The following KIAA0319L variants were observed in gnomAD, a reference collection of about 807,000 sequenced individuals.
KIAA0319L encodes KIAA0319 like.
A neutral mutation model predicts 120.1 loss-of-function variants in KIAA0319L; 55 were observed. The ratio of observed to expected loss-of-function variants is 0.46; its 90% CI spans 0.37 to 0.57. The LOEUF is 0.57. Ranked by LOEUF, KIAA0319L falls within the 20% of genes least tolerant of loss-of-function variation. KIAA0319L has a pLI of 0.00. For synonymous variants in KIAA0319L, 398 were observed against 471.9 expected (o/e 0.84, Z 2.03); for missense variants, 1,049 against 1,255.3 (o/e 0.84, Z 2.48).
Position 35,554,374 on chromosome 1 carries a change from A to G in KIAA0319L, c.118T>C (p.Phe40Leu). The G allele has an allele frequency of 4.4e-6, 7 of 1,605,708 alleles. No homozygotes were observed. The highest frequency in any genetic ancestry group is 5.9e-6 in the Non-Finnish European group (7 of 1,177,440). Residue 40 changes from phenylalanine (F) to leucine (L), a missense_variant, in exon 2 of 21, where the codon TTC (phenylalanine) becomes CTC (leucine). Phe to Leu is a conservative substitution (Grantham distance 22, BLOSUM62 0). Transcript: ENST00000325722. ...SLYLFYTCFC[F>L]SVLWLSTDAS... ...CCTGTTGACAACCACAGAACGCTGA[A>G]GCAAAAGCAAGTATAAAACAGGTAC...
chr1:35,450,707 G>A (rs1053581081), intron 13 of KIAA0319L, among the ~76,000 whole-genome samples, 198 bp from the exon 14 acceptor site: 3 of 152,168 alleles, frequency 2.0e-5, no homozygotes, highest in Admixed American at 1.3e-4. Context: ...CCTACCCAGA[G>A]AAATGTTCTC....
chr1:35,469,636 C>T (rs148253349), intron 6 of KIAA0319L, among the ~76,000 whole-genome samples: 1 of 151,854 alleles, frequency 6.6e-6, no homozygotes, highest in African/African-American at 2.4e-5. Flanking sequence ...GTAAGTCAGT[C>T]ACTCTAAGAA....
At chr1:35,455,679 C>A (rs1019379005) in intron 10 of KIAA0319L, among the ~76,000 whole-genome samples, 12 of 144,826 alleles carry the variant, frequency 8.3e-5, no homozygotes, top group Admixed American at 7.3e-4. Flanking sequence ...CTCCTAGGTT[C>A]AAGGGATTCT....
intron 2 of KIAA0319L, among the ~76,000 whole-genome samples, chr1:35,515,706 G>A (rs375420259): frequency 5.7e-4 from 87 of 151,878 alleles, no homozygotes; most frequent in African/African-American, 1.6e-3. Context: ...AACCAAAATC[G>A]GAGCTGAATT....
chr1:35,439,984 G>A lies in KIAA0319L; in HGVS notation c.2962+1063C>T, dbSNP rs12022803. 5.3e-5 allele frequency: 8 copies of A among 152,278 alleles called. No individual in the cohort carries two copies. In the East Asian group the frequency reaches 1.5e-3, roughly 29 times the overall value. 9.4% of individuals were successfully genotyped at this position (152,278 alleles called of 1,614,324 possible). ...AAGTCATTGAAGAATGTCAGGGGGT[G>A]AAAAACATGATCAGAGTAACATGAT... On this transcript the variant is annotated intron_variant, in intron 20 of 20. Transcript: ENST00000325722.
chr1:35,519,528 A>G (rs1208179506), intron 2 of KIAA0319L, among the ~76,000 whole-genome samples: 2 of 152,100 alleles, frequency 1.3e-5, no homozygotes, highest in African/African-American at 2.4e-5. Flanking sequence ...TAAAAGTAAA[A>G]CCACTTAACA....
At chr1:35,498,903 C>T (rs1021738179) in intron 3 of KIAA0319L, among the ~76,000 whole-genome samples, 1 of 152,196 alleles carries the variant, frequency 6.6e-6, no homozygotes, top group African/African-American at 2.4e-5. Flanking sequence ...AAAAATCCTA[C>T]CAATGGAAAG....
intron 4 of KIAA0319L, among the ~76,000 whole-genome samples, chr1:35,478,619 C>T (rs1644009494): frequency 6.6e-6 from 1 of 152,026 alleles, no homozygotes; most frequent in African/African-American, 2.4e-5. Context: ...AATGAGAGAC[C>T]TACAACCAGA....
At chr1:35,501,355 G>T (rs1644998617) in intron 3 of KIAA0319L, among the ~76,000 whole-genome samples, 1 of 152,148 alleles carries the variant, frequency 6.6e-6, no homozygotes. Flanking sequence ...TATGCTGGAG[G>T]TATTTTCTTT....
At chr1:35,479,330 A>C (rs1644045962) in intron 3 of KIAA0319L, 118 bp from the exon 4 acceptor site, 1 of 797,520 alleles carries the variant, frequency 1.3e-6, no homozygotes, top group Non-Finnish European at 1.9e-6. Flanking sequence ...TATCAAAAAT[A>C]TTAAAGAAAC....
At chr1:35,454,152 A>G in intron 11 of KIAA0319L, 1 of 519,880 alleles carries the variant, frequency 1.9e-6, no homozygotes. Flanking sequence ...CAACAAGCCA[A>G]GGGAAGGGCA....
At chr1:35,451,458 A>T (rs897193461) in intron 13 of KIAA0319L, among the ~76,000 whole-genome samples, 170 bp downstream of exon 13, 1 of 152,104 alleles carries the variant, frequency 6.6e-6, no homozygotes, top group Non-Finnish European at 1.5e-5. Flanking sequence ...TTCACCTTAC[A>T]GTCCAATTAA....
chr1:35,550,485 T>C (rs1275365539), intron 2 of KIAA0319L, among the ~76,000 whole-genome samples: 2 of 152,158 alleles, frequency 1.3e-5, no homozygotes, highest in African/African-American at 2.4e-5. Context: ...TTCCCCCTTA[T>C]ATAAAAAGGA....
Position 35,470,974 on chromosome 1 carries a change from G to C in KIAA0319L, c.1016-14C>G. The C allele has an allele frequency of 6.6e-7, 1 of 1,505,858 alleles. No homozygotes were observed. The highest frequency in any genetic ancestry group is 9.2e-7 in the Non-Finnish European group (1 of 1,081,358). 93.3% of individuals were successfully genotyped at this position (1,505,858 alleles called of 1,614,324 possible). A position where few individuals can be genotyped will look rare whatever the true frequency, so the allele number is the denominator to read the frequency against. On this transcript the variant is annotated splice_polypyrimidine_tract_variant and intron_variant, in intron 5 of 20. Coordinates refer to ENST00000325722, the MANE Select transcript of KIAA0319L (RefSeq NM_024874.5). Reference sequence around the variant, plus strand: ...TGTAGGTTTCTCCTATAGAAGGGCAGTTACAAAAATCATGAAAACACACAC... The same window carrying C: ...TGTAGGTTTCTCCTATAGAAGGGCACTTACAAAAATCATGAAAACACACAC...
intron 4 of KIAA0319L, among the ~76,000 whole-genome samples, chr1:35,476,906 T>C (rs2149135623): frequency 6.6e-6 from 1 of 152,352 alleles, no homozygotes; most frequent in South Asian, 2.1e-4. Flanking sequence ...CAATTCTTCC[T>C]AATACCTTAG....
chr1:35,471,828 A>C (rs1260283177), intron 5 of KIAA0319L, among the ~76,000 whole-genome samples: 1 of 152,242 alleles, frequency 6.6e-6, no homozygotes, highest in Non-Finnish European at 1.5e-5. Context: ...AAATCAGTAC[A>C]CAGAACCTAA....
chr1:35,531,793 T>C lies in KIAA0319L; in HGVS notation c.142+22557A>G, dbSNP rs895211639. Reference sequence around the variant, plus strand: ...TCTGTCACTTCTCTACTGAATTCTATACCTCTAGTCGGTCATCTTGAAAGA... The same window carrying C: ...TCTGTCACTTCTCTACTGAATTCTACACCTCTAGTCGGTCATCTTGAAAGA... On this transcript the variant is annotated intron_variant, in intron 2 of 20. Transcript: ENST00000325722. Among the ~76,000 whole-genome samples, 5 of 152,174 alleles carry C rather than the reference T, an allele frequency of 3.3e-5. No homozygotes were observed. The East Asian group carries it at 9.6e-4, about 29-fold the overall frequency.
intron 3 of KIAA0319L, among the ~76,000 whole-genome samples, chr1:35,494,605 CG>C (rs1340265403): frequency 6.6e-6 from 1 of 150,406 alleles, no homozygotes; most frequent in Non-Finnish European, 1.5e-5. Flanking sequence ...GACCAGCCTG[CG>C]CAACATGGTG....
At chr1:35,535,650 G>C (rs1254330998) in intron 2 of KIAA0319L, among the ~76,000 whole-genome samples, 1 of 152,058 alleles carries the variant, frequency 6.6e-6, no homozygotes. Context: ...GTATTAAAAA[G>C]CTCAGTATAT....
Sources: gnomAD v4.1 joint callset for allele counts (sites outside exome capture counted in the v4.1 genomes callset) on GRCh38, gnomAD v4.1.1 for gene constraint, MANE v1.5 for transcripts, NCBI Gene and HGNC (gene_info 2026-07-23, HGNC 2026-07-21) for gene names.